Variants in ABCF2 observed in about 807,000 individuals in gnomAD.
The protein encoded by ABCF2 is ATP-binding cassette sub-family F member 2.
A neutral mutation model predicts 76.9 loss-of-function variants in ABCF2; 37 were observed. That is an observed-to-expected ratio of 0.48 (90% confidence interval 0.37 to 0.63). ABCF2 has a LOEUF of 0.63. ABCF2 is among the 30% of genes least tolerant of loss of function. The pLI, the probability that ABCF2 is intolerant of heterozygous loss-of-function variation, is 0.00. For synonymous variants in ABCF2, 299 were observed against 283.7 expected (o/e 1.05, Z -0.54); for missense variants, 524 against 782.1 (o/e 0.67, Z 3.94).
chr7:151,226,090 T>A (rs925395599), intron 2 of ABCF2, among the ~76,000 whole-genome samples: 1 of 152,182 alleles, frequency 6.6e-6, no homozygotes, highest in African/African-American at 2.4e-5. Context: ...AACTCTCACA[T>A]CCGCTTGCCA....
chr7:151,216,093 G>T, intron 11 of ABCF2, 64 bp from the exon 12 acceptor site: 1 of 1,439,526 alleles, frequency 6.9e-7, no homozygotes. Flanking sequence ...AACATAGGCA[G>T]AGCAGGCAAA....
chr7:151,226,318 G>T lies in ABCF2; in HGVS notation c.141C>A (p.Gly47=). 1 of 1,613,848 alleles carries T rather than the reference G, an allele frequency of 6.2e-7. No homozygotes were observed. Among genetic ancestry groups the T allele is most frequent in the Non-Finnish European group, 8.5e-7 (1 of 1,179,896 alleles). The part of the protein sequence containing the change: ...PQVAEKNEAN[G]RETTEVDLLT... ...CCCTCAATTCACCTGTGGTCTCTCT[G>T]CCATTGGCCTCATTCTTCTCTGCCA... The change falls in exon 2 of 15, where the codon GGC becomes GGA. Residue 47 remains glycine (G), a synonymous_variant. Coordinates refer to ENST00000287844, the MANE Select transcript of ABCF2 (RefSeq NM_007189.3).
At chr7:151,224,207 T>TC in intron 3 of ABCF2, 93 bp from the exon 4 acceptor site, 3 of 1,282,494 alleles carry the variant, frequency 2.3e-6, no homozygotes, top group Non-Finnish European at 2.1e-6. Context: ...TGGGACCTCA[T>TC]CCATTTTTTT....
At position 151,213,321 on chromosome 7, in the gene ABCF2, A is replaced by C. The variant is rs1802085173; in HGVS notation, c.*733T>G. 1.0e-6 allele frequency: 1 copy of C among 984,564 alleles called. No individual in the cohort carries two copies. Among genetic ancestry groups the C allele is most frequent in the Non-Finnish European group, 1.2e-6 (1 of 829,294 alleles). 61.0% of individuals were successfully genotyped at this position (984,564 alleles called of 1,614,324 possible). A position where few individuals can be genotyped will look rare whatever the true frequency, so the allele number is the denominator to read the frequency against. On this transcript the variant is annotated 3_prime_UTR_variant, in exon 15 of 15. Coordinates refer to ENST00000287844, the MANE Select transcript of ABCF2 (RefSeq NM_007189.3). ...TTCTGATTCATGTTAAAGTCTGTGA[A>C]TCACAGGCCTGAGAAAAGGTACAAT...
At position 151,212,349 on chromosome 7, in the gene ABCF2, C is replaced by T; in HGVS notation, c.*1705G>A. ...AATTCAACAGTGATGATAACTATGG[C>T]TGTGGACAGGTAAAAATACAAAATT... On this transcript the variant is annotated 3_prime_UTR_variant, in exon 15 of 15. Transcript: ENST00000287844. 2 of 985,446 alleles carry T rather than the reference C, an allele frequency of 2.0e-6. No individual in the cohort carries two copies. Among genetic ancestry groups the T allele is most frequent in the Non-Finnish European group, 2.4e-6 (2 of 829,950 alleles). The allele number at this position is 985,446 out of a possible 1,614,324, so 61.0% of individuals were successfully genotyped here.
chr7:151,218,350 G>A (rs1019176168), intron 10 of ABCF2, among the ~76,000 whole-genome samples, 159 bp from the exon 11 acceptor site: 4 of 152,198 alleles, frequency 2.6e-5, no homozygotes, highest in South Asian at 2.1e-4. Flanking sequence ...CACTGCCTCC[G>A]CCCACCAACC....
chr7:151,218,738 C>T lies in ABCF2; in HGVS notation c.1137+16G>A. ...CCCAACCCCACCCAATCACACCCCA[C>T]CCAATCACACCCCACCTTATCGCTC... On this transcript the variant is annotated intron_variant, in intron 9 of 14. Coordinates refer to ENST00000287844, the MANE Select transcript of ABCF2 (RefSeq NM_007189.3). 2 of 1,613,590 alleles carry T rather than the reference C, an allele frequency of 1.2e-6. No individual in the cohort carries two copies. The highest frequency in any genetic ancestry group is 1.1e-5 in the South Asian group (1 of 91,050).
intron 7 of ABCF2, among the ~76,000 whole-genome samples, chr7:151,220,637 TGGG>T (rs1802248498): frequency 6.6e-6 from 1 of 152,170 alleles, no homozygotes; most frequent in South Asian, 2.1e-4. Context: ...CCTGTGGTCA[TGGG>T]AGGTGGGGTA....
At position 151,214,801 on chromosome 7, in the gene ABCF2, C is replaced by A. The variant is rs1345748498; in HGVS notation, c.1734+78G>T. On this transcript the variant is annotated intron_variant, in intron 14 of 14. Coordinates refer to ENST00000287844, the MANE Select transcript of ABCF2 (RefSeq NM_007189.3). This position sits in a 1 kb window ranked among gnomAD's most constrained non-coding sequence, Gnocchi z 4.9. ...CTTAATTCAGTAGGCGGGTATTATG[C>A]ACCCTCCACATGCCATGACTACCCT... is the stretch of plus-strand genomic sequence containing the variant. 10 of 1,383,696 alleles carry A rather than the reference C, an allele frequency of 7.2e-6. No individual in the cohort carries two copies. The highest frequency in any genetic ancestry group is 2.0e-4 in the Middle Eastern group (1 of 5,070). 85.7% of individuals were successfully genotyped at this position (1,383,696 alleles called of 1,614,324 possible). A position where few individuals can be genotyped will look rare whatever the true frequency, so the allele number is the denominator to read the frequency against.
Position 151,211,935 on chromosome 7 carries a change from A to T in ABCF2, c.*2119T>A. ...AGCTCCTGGACTTTGTGGCCATCTG[A>T]GAAGATCCTACTCATTTTTCAAGTG... On this transcript the variant is annotated 3_prime_UTR_variant, in exon 15 of 15. Coordinates refer to ENST00000287844, the MANE Select transcript of ABCF2 (RefSeq NM_007189.3). 1 of 985,398 alleles carries T rather than the reference A, an allele frequency of 1.0e-6. No homozygotes were observed. Among genetic ancestry groups the T allele is most frequent in the Non-Finnish European group, 1.2e-6 (1 of 829,912 alleles). The allele number at this position is 985,398 out of a possible 1,614,324, so 61.0% of individuals were successfully genotyped here.
chr7:151,221,947 G>A, intron 6 of ABCF2: 1 of 408,940 alleles, frequency 2.4e-6, no homozygotes, highest in Non-Finnish European at 4.5e-6. Flanking sequence ...TAGTAACAGT[G>A]ATAGTAACCA....
At chr7:151,225,221 G>A (rs528864510) in intron 2 of ABCF2, among the ~76,000 whole-genome samples, 1 of 152,214 alleles carries the variant, frequency 6.6e-6, no homozygotes, top group African/African-American at 2.4e-5. Flanking sequence ...CCACTACTGT[G>A]GCCAGGAATA....
In ABCF2 at chr7:151,226,395, G is replaced by T. The variant is rs1394382224; in HGVS notation, c.64C>A (p.Arg22=). 1.2e-6 allele frequency: 2 copies of T among 1,614,074 alleles called. No homozygotes were observed. The highest frequency in any genetic ancestry group is 2.2e-5 in the South Asian group (2 of 91,074). Residue 22 remains arginine (R), a synonymous_variant, in exon 2 of 15, where the codon CGG becomes AGG. Transcript: ENST00000287844. ...TTTTCTTCATGTCCTTTTCTGGGCC[G>T]CTGTCGAGCTTTGGCAGCCTCCTTC... ...KKKEAAKARQ[R]PRKGHEENGD...
chr7:151,214,051 G>A lies in ABCF2; in HGVS notation c.*3C>T. 1 of 1,613,398 alleles carries A rather than the reference G, an allele frequency of 6.2e-7. No individual in the cohort carries two copies. Among genetic ancestry groups the A allele is most frequent in the Non-Finnish European group, 8.5e-7 (1 of 1,179,878 alleles). ...GCTCCTGACCCGAACCCAGGTAGAG[G>A]GCTCACACGTTGTGGGTCCTCTTGG... On this transcript the variant is annotated 3_prime_UTR_variant, in exon 15 of 15. Transcript: ENST00000287844. This position sits in a 1 kb window ranked among gnomAD's most constrained non-coding sequence, Gnocchi z 4.9.
In ABCF2 at chr7:151,212,054, C is replaced by A. The variant is rs1241029962; in HGVS notation, c.*2000G>T. ...GTCTCCTATCTAAATCACAATTTAG[C>A]ATCTAATTTGTGTCCTGTATGGTTC... is the stretch of plus-strand genomic sequence containing the variant. On this transcript the variant is annotated 3_prime_UTR_variant, in exon 15 of 15. Coordinates refer to ENST00000287844, the MANE Select transcript of ABCF2 (RefSeq NM_007189.3). 2.1e-6 allele frequency: 2 copies of A among 937,340 alleles called. No homozygotes were observed. Among genetic ancestry groups the A allele is most frequent in the African/African-American group, 3.6e-5 (2 of 56,232 alleles). The allele number at this position is 937,340 out of a possible 1,614,324, so 58.1% of individuals were successfully genotyped here.
intron 10 of ABCF2, 105 bp downstream of exon 10, chr7:151,218,456 C>A: frequency 9.8e-7 from 1 of 1,021,834 alleles, no homozygotes. Flanking sequence ...TCCCCCAGAG[C>A]ACGTGGGCTA....
intron 7 of ABCF2, among the ~76,000 whole-genome samples, chr7:151,219,983 C>T (rs1802233905): frequency 6.6e-6 from 1 of 152,050 alleles, no homozygotes; most frequent in South Asian, 2.1e-4. Flanking sequence ...CCTGTGGTCT[C>T]AGCTACTTGG....
chr7:151,214,456 C>A lies in ABCF2; in HGVS notation c.1735-265G>T, dbSNP rs1802110073. On this transcript the variant is annotated intron_variant, in intron 14 of 14. Transcript: ENST00000287844. The surrounding 1 kb of genome is among the most constrained non-coding windows in gnomAD (Gnocchi z 4.9). ...TAGATCTATTCAGAGGCTTCACTCT[C>A]AGCCTTCTTTTCTCCACCTCTCATC... is the stretch of plus-strand genomic sequence containing the variant. Among the ~76,000 whole-genome samples the A allele has an allele frequency of 6.6e-6, 1 of 152,198 alleles. No individual in the cohort carries two copies. The highest frequency in any genetic ancestry group is 1.5e-5 in the Non-Finnish European group (1 of 68,026).
rs371152320 is a variant in ABCF2 at position 151,215,125 on chromosome 7, G to A, written c.1531-43C>T. The A allele has an allele frequency of 2.1e-5, 32 of 1,537,106 alleles. No homozygotes were observed. Among genetic ancestry groups the A allele is most frequent in the East Asian group, 1.6e-4 (7 of 42,568 alleles). On this transcript the variant is annotated intron_variant, in intron 13 of 14. Coordinates refer to ENST00000287844, the MANE Select transcript of ABCF2 (RefSeq NM_007189.3). The surrounding 1 kb of genome is among the most constrained non-coding windows in gnomAD (Gnocchi z 4.6). Reference sequence around the variant, plus strand: ...CTACATATAACTTGGCATTATCCCCGCCAAACAGCACAGCTCATCTCTCCC... The same window carrying A: ...CTACATATAACTTGGCATTATCCCCACCAAACAGCACAGCTCATCTCTCCC...
Sources: allele counts gnomAD v4.1 joint callset (sites outside exome capture counted in the v4.1 genomes callset), GRCh38; gene constraint gnomAD v4.1.1; non-coding constraint Gnocchi (gnomAD v3.1); transcripts MANE v1.5; gene names NCBI Gene and HGNC (gene_info 2026-07-23, HGNC 2026-07-21).